The following RNF150 variants were observed in gnomAD, a reference collection of about 807,000 sequenced individuals.
RNF150 encodes ring finger protein 150.
A neutral mutation model predicts 39.3 loss-of-function variants in RNF150; 24 were observed. The observed-to-expected ratio is 0.61, with a 90% CI of 0.44 to 0.86. The LOEUF (loss-of-function observed/expected upper bound fraction) is 0.86, where lower values mean the gene tolerates loss of function less well. Among genes scored for constraint, RNF150 ranks in the 40% least tolerant of loss-of-function variants. RNF150 has a pLI of 0.00. For synonymous variants in RNF150, 255 were observed against 227.3 expected (o/e 1.12, Z -1.10); for missense variants, 502 against 587.8 (o/e 0.85, Z 1.51).
At chr4:141,126,644 C>G (rs867056188) in intron 1 of RNF150, among the ~76,000 whole-genome samples, 6 of 152,118 alleles carry the variant, frequency 3.9e-5, no homozygotes, top group African/African-American at 1.4e-4. Context: ...GAACAGTCAG[C>G]CACTGCTCAC....
At position 141,027,952 on chromosome 4, in the gene RNF150, T is replaced by TTTTTTTTTTTTTTTTTG. The variant is rs1553938684; in HGVS notation, c.485-60080_485-60079insCAAAAAAAAAAAAAAAA. Reference sequence around the variant, plus strand: ...TTTTTTTTTTTTTTTTTTTTTTTTTTCAATCCTGCTGGATCAAGATGTATA... The same window carrying TTTTTTTTTTTTTTTTTG: ...TTTTTTTTTTTTTTTTTTTTTTTTTTTTTTTTTTTTTTTTTTGCAATCCTGCTGGATCAAGATGTATA... On this transcript the variant is annotated intron_variant, in intron 1 of 6. Transcript: ENST00000515673. Among the ~76,000 whole-genome samples, 22 of 71,614 alleles carry TTTTTTTTTTTTTTTTTG rather than the reference T, an allele frequency of 3.1e-4. 2 individuals carry two copies. The highest frequency in any genetic ancestry group is 4.0e-4 in the Admixed American group (2 of 5,006). 47.0% of individuals were successfully genotyped at this position (71,614 alleles called of 152,430 possible). A position where few individuals can be genotyped will look rare whatever the true frequency, so the allele number is the denominator to read the frequency against.
intron 1 of RNF150, among the ~76,000 whole-genome samples, chr4:140,987,431 A>G (rs1734052448): frequency 6.6e-6 from 1 of 152,058 alleles, no homozygotes; most frequent in African/African-American, 2.4e-5. Context: ...ACAGACCAAT[A>G]GAATAAAATA....
chr4:140,886,204 A>AAG (rs1265919847), intron 6 of RNF150, among the ~76,000 whole-genome samples: 3 of 151,710 alleles, frequency 2.0e-5, no homozygotes, highest in Non-Finnish European at 4.4e-5. Context: ...AAAAAAAAAA[A>AAG]AAAAAAAGAA....
intron 1 of RNF150, among the ~76,000 whole-genome samples, chr4:141,174,210 T>C (rs1358786030): frequency 6.6e-6 from 1 of 152,216 alleles, no homozygotes; most frequent in Non-Finnish European, 1.5e-5. Flanking sequence ...CATAAAAGTG[T>C]CTGAGACATC....
chr4:140,882,827 G>A (rs1729426208), intron 6 of RNF150, among the ~76,000 whole-genome samples: 1 of 151,922 alleles, frequency 6.6e-6, no homozygotes, highest in Non-Finnish European at 1.5e-5. Flanking sequence ...TGACTGCCTT[G>A]TAGACGGCAT....
chr4:141,065,427 G>T (rs575139725), intron 1 of RNF150, among the ~76,000 whole-genome samples: 20 of 152,070 alleles, frequency 1.3e-4, no homozygotes, highest in Non-Finnish European at 2.1e-4. Context: ...CTATTAGAAA[G>T]AGTTTACAAA....
In RNF150 at chr4:141,049,268, T is replaced by TA. The variant is rs1052955994; in HGVS notation, c.485-81396dup. On this transcript the variant is annotated intron_variant, in intron 1 of 6. Coordinates refer to ENST00000515673, the MANE Select transcript of RNF150 (RefSeq NM_020724.2). ...AGTATAAGGACATTTGCCAACAAAA[T>TA]AAAAAAAAAAACACAAAAACTTAAG... 3.6e-3 allele frequency among the ~76,000 whole-genome samples: 418 copies of TA among 116,432 alleles called. 1 individual carries two copies. Among genetic ancestry groups the TA allele is most frequent in the African/African-American group, 0.01 (314 of 31,326 alleles). The allele number at this position is 116,432 out of a possible 152,430, so 76.4% of individuals were successfully genotyped here. A position where few individuals can be genotyped will look rare whatever the true frequency, so the allele number is the denominator to read the frequency against.
At chr4:140,953,462 C>T (rs1038548562) in intron 2 of RNF150, among the ~76,000 whole-genome samples, 11 of 151,884 alleles carry the variant, frequency 7.2e-5, no homozygotes, top group African/African-American at 2.7e-4. Flanking sequence ...GTCCAGATAC[C>T]TGGGGAAGGA....
intron 1 of RNF150, among the ~76,000 whole-genome samples, chr4:141,119,510 G>T (rs749493380): frequency 1.4e-4 from 22 of 152,266 alleles, no homozygotes; most frequent in Non-Finnish European, 2.9e-4. Context: ...TTCTGTATTT[G>T]ATAACAGCTG....
At chr4:141,176,298 C>A (rs371464398) in intron 1 of RNF150, among the ~76,000 whole-genome samples, 1 of 152,176 alleles carries the variant, frequency 6.6e-6, no homozygotes, top group East Asian at 1.9e-4. Flanking sequence ...CCTCTTACTA[C>A]TATCACCTTG....
intron 1 of RNF150, among the ~76,000 whole-genome samples, chr4:141,000,369 T>C (rs1051074975): frequency 2.0e-5 from 3 of 152,228 alleles, no homozygotes; most frequent in Non-Finnish European, 4.4e-5. Flanking sequence ...TGGGTCGGTA[T>C]GTATAAGGAA....
intron 6 of RNF150, among the ~76,000 whole-genome samples, chr4:140,876,812 CA>C (rs1339147645): frequency 6.6e-6 from 1 of 152,238 alleles, no homozygotes; most frequent in African/African-American, 2.4e-5. Context: ...GACTCAGCCA[CA>C]TTTGGAAACC....
chr4:141,208,348 C>G (rs1224674294), intron 1 of RNF150, among the ~76,000 whole-genome samples: 1 of 151,566 alleles, frequency 6.6e-6, no homozygotes, highest in East Asian at 1.9e-4. Flanking sequence ...TACCCATAGG[C>G]AGAAAATTAA....
chr4:141,158,345 T>G (rs183476032), intron 1 of RNF150, among the ~76,000 whole-genome samples: 5 of 152,056 alleles, frequency 3.3e-5, no homozygotes, highest in Non-Finnish European at 5.9e-5. Flanking sequence ...ACCTGAGAAG[T>G]GTGCTTATCA....
rs116988620 is a variant in RNF150 at position 141,076,968 on chromosome 4, C to T, written c.484+55357G>A. 1.6e-3 allele frequency among the ~76,000 whole-genome samples: 248 copies of T among 152,174 alleles called. 4 individuals are homozygous for T. In the East Asian group the frequency reaches 0.043, roughly 26 times the overall value. On this transcript the variant is annotated intron_variant, in intron 1 of 6. Coordinates refer to ENST00000515673, the MANE Select transcript of RNF150 (RefSeq NM_020724.2). The stretch of plus-strand genomic sequence containing the variant: ...TCAATGGAATTGCTATTCTTGCCTC[C>T]CAAATCCTAAAATGTAAGTTTCAAG...
At chr4:141,024,262 A>G (rs909178918) in intron 1 of RNF150, among the ~76,000 whole-genome samples, 15 of 152,126 alleles carry the variant, frequency 9.9e-5, no homozygotes, top group African/African-American at 2.7e-4. Context: ...TCCTTCTATC[A>G]TGGAAGACAA....
chr4:141,035,593 A>G (rs984606302), intron 1 of RNF150, among the ~76,000 whole-genome samples: 1 of 152,198 alleles, frequency 6.6e-6, no homozygotes, highest in Non-Finnish European at 1.5e-5. Context: ...CGAGATAACA[A>G]GGCAGTGGCC....
chr4:141,036,725 A>C (rs2110843768), intron 1 of RNF150, among the ~76,000 whole-genome samples: 1 of 152,334 alleles, frequency 6.6e-6, no homozygotes, highest in South Asian at 2.1e-4. Flanking sequence ...TCTGTTTTAA[A>C]GAAAATCCTA....
intron 1 of RNF150, among the ~76,000 whole-genome samples, chr4:141,109,340 T>C (rs1739313499): frequency 6.6e-6 from 1 of 152,016 alleles, no homozygotes; most frequent in South Asian, 2.1e-4. Context: ...GTATCTCCTT[T>C]GTGTAAAGTC....
Sources: gnomAD v4.1 joint callset for allele counts (sites outside exome capture counted in the v4.1 genomes callset) on GRCh38, gnomAD v4.1.1 for gene constraint, MANE v1.5 for transcripts, NCBI Gene and HGNC (gene_info 2026-07-23, HGNC 2026-07-21) for gene names.